The following RARB variants were observed in gnomAD, a reference collection of about 807,000 sequenced individuals.
The protein encoded by RARB is retinoic acid receptor beta, also known as HBV-activated protein.
A neutral mutation model predicts 51.9 loss-of-function variants in RARB; 17 were observed. The ratio of observed to expected loss-of-function variants is 0.33; its 90% CI spans 0.22 to 0.49. RARB has a LOEUF of 0.49. Among genes scored for constraint, RARB ranks in the 20% least tolerant of loss-of-function variants. The pLI, the probability that RARB is intolerant of heterozygous loss-of-function variation, is 0.99. For missense variants in RARB, 369 were observed against 550.8 expected, an observed-to-expected ratio of 0.67 and a Z score of 3.30; for synonymous variants, 215 against 195.4, an observed-to-expected ratio of 1.10 and a Z score of -0.84.
intron 3 of RARB, among the ~76,000 whole-genome samples, chr3:25,505,700 T>C (rs1697548612): frequency 6.6e-6 from 1 of 152,088 alleles, no homozygotes; most frequent in East Asian, 1.9e-4. Flanking sequence ...AGCAGCATTC[T>C]AAAGAGGTGG....
chr3:25,391,852 C>T (rs1271305064), intron 5 of RARB, among the ~76,000 whole-genome samples: 1 of 152,010 alleles, frequency 6.6e-6, no homozygotes, highest in Non-Finnish European at 1.5e-5. Flanking sequence ...TCTGTTAATT[C>T]TGCTGGTTAT....
intron 2 of RARB, among the ~76,000 whole-genome samples, chr3:24,877,345 A>ATTTTTTTTTTTTTTTTTTTTT (rs1559379782): frequency 1.1e-4 from 2 of 17,760 alleles, no homozygotes; most frequent in Non-Finnish European, 2.1e-4. Context: ...AAGCAATCTT[A>ATTTTTTTTTTTTTTTTTTTTT]CTTTTTTTTT....
intron 2 of RARB, among the ~76,000 whole-genome samples, chr3:24,883,442 A>G (rs778819452): frequency 5.9e-5 from 9 of 151,656 alleles, no homozygotes; most frequent in African/African-American, 2.2e-4. Context: ...GTGGTGGTCT[A>G]TGAAGCAAAC....
chr3:24,829,346 G>A (rs901951982), exon 1 of RARB, among the ~76,000 whole-genome samples: 1 of 152,016 alleles, frequency 6.6e-6, no homozygotes, highest in Non-Finnish European at 1.5e-5. Context: ...CGGCGGCAGG[G>A]GCTGAGGGCA....
intron 2 of RARB, among the ~76,000 whole-genome samples, chr3:24,964,276 A>G (rs1053200608): frequency 1.3e-5 from 2 of 152,226 alleles, no homozygotes; most frequent in African/African-American, 4.8e-5. Flanking sequence ...AGGAATTTAC[A>G]AATCAAATTT....
intron 2 of RARB, among the ~76,000 whole-genome samples, chr3:24,918,497 A>T (rs1695151268): frequency 6.6e-6 from 1 of 152,166 alleles, no homozygotes; most frequent in Non-Finnish European, 1.5e-5. Context: ...TAATTTTGTA[A>T]ATTTACCAAA....
At chr3:25,146,743 T>A (rs1297110718) in intron 4 of RARB, among the ~76,000 whole-genome samples, 2 of 151,804 alleles carry the variant, frequency 1.3e-5, no homozygotes, top group African/African-American at 4.8e-5. Flanking sequence ...ATAGTCTCGA[T>A]CTCCTGACCT....
intron 5 of RARB, among the ~76,000 whole-genome samples, chr3:25,319,721 A>C (rs1704516421): frequency 6.6e-6 from 1 of 152,190 alleles, no homozygotes; most frequent in Admixed American, 6.5e-5. Flanking sequence ...AAGTGATCTG[A>C]TGATGAAACG....
At chr3:25,374,704 T>C (rs1223212269) in intron 5 of RARB, among the ~76,000 whole-genome samples, 1 of 152,122 alleles carries the variant, frequency 6.6e-6, no homozygotes, top group Non-Finnish European at 1.5e-5. Context: ...GAGTAGATCA[T>C]AGATCTAGAA....
chr3:25,464,519 G>C (rs1695336208), intron 2 of RARB, among the ~76,000 whole-genome samples: 1 of 152,102 alleles, frequency 6.6e-6, no homozygotes. Context: ...TGGGTGGATT[G>C]CTCTTCTCCC....
intron 2 of RARB, among the ~76,000 whole-genome samples, chr3:24,943,561 T>A (rs1559405840): frequency 6.6e-6 from 1 of 152,222 alleles, no homozygotes; most frequent in Admixed American, 6.5e-5. Flanking sequence ...AAATGAATTC[T>A]AGCTTGAGTT....
At chr3:25,227,332 A>G (rs1020579778) in intron 5 of RARB, among the ~76,000 whole-genome samples, 3 of 152,218 alleles carry the variant, frequency 2.0e-5, no homozygotes, top group African/African-American at 7.2e-5. Context: ...TCCATTCAAA[A>G]GGGGAATTTA....
chr3:25,547,159 C>T (rs1699650611), intron 3 of RARB, among the ~76,000 whole-genome samples: 1 of 152,154 alleles, frequency 6.6e-6, no homozygotes, highest in Non-Finnish European at 1.5e-5. Flanking sequence ...CTGTTTCCTG[C>T]AGGCAGACAC....
intron 3 of RARB, among the ~76,000 whole-genome samples, chr3:25,072,677 C>T (rs966158772): frequency 3.3e-5 from 5 of 152,024 alleles, no homozygotes; most frequent in Non-Finnish European, 5.9e-5. Context: ...GAAATGGCTT[C>T]TATCTACCTA....
chr3:25,041,423 C>A (rs940452360), intron 2 of RARB, among the ~76,000 whole-genome samples: 1 of 151,784 alleles, frequency 6.6e-6, no homozygotes, highest in African/African-American at 2.4e-5. Flanking sequence ...GTAGATCTGA[C>A]TTTCAAATAA....
At chr3:25,007,380 C>A (rs999703300) in intron 2 of RARB, among the ~76,000 whole-genome samples, 1 of 151,914 alleles carries the variant, frequency 6.6e-6, no homozygotes, top group Admixed American at 6.6e-5. Context: ...AATCCCAGCA[C>A]TTTAGGAGGC....
At chr3:25,351,479 G>A (rs988770126) in intron 5 of RARB, among the ~76,000 whole-genome samples, 1 of 151,974 alleles carries the variant, frequency 6.6e-6, no homozygotes, top group African/African-American at 2.4e-5. Context: ...AGGTCACCTA[G>A]ATCTGTCACT....
chr3:25,398,431 C>T (rs1707175944), intron 5 of RARB, among the ~76,000 whole-genome samples: 1 of 152,174 alleles, frequency 6.6e-6, no homozygotes, highest in Admixed American at 6.5e-5. Context: ...TAGACGGTAT[C>T]ACTAAGACAA....
At chr3:24,914,769 A>C (rs909778875) in intron 2 of RARB, among the ~76,000 whole-genome samples, 2 of 152,116 alleles carry the variant, frequency 1.3e-5, no homozygotes, top group African/African-American at 4.8e-5. Context: ...TCAATCTGAA[A>C]CTGGTTGAAT....
Sources: gnomAD v4.1 joint callset for allele counts (sites outside exome capture counted in the v4.1 genomes callset) on GRCh38, gnomAD v4.1.1 for gene constraint, MANE v1.5 for transcripts, NCBI Gene and HGNC (gene_info 2026-07-23, HGNC 2026-07-21) for gene names.